C4orf54: variants seen among roughly 807,000 people sequenced by gnomAD.
C4orf54 encodes chromosome 4 open reading frame 54.
In C4orf54, 67 loss-of-function variants were observed where a neutral mutation model predicts 80.1. The ratio of observed to expected loss-of-function variants is 0.84; its 90% confidence interval spans 0.69 to 1.03. The LOEUF (loss-of-function observed/expected upper bound fraction) is 1.03. Ranked by LOEUF, C4orf54 falls within the 50% of genes least tolerant of loss-of-function variation. C4orf54 has a pLI of 0.00. For missense variants in C4orf54, 2,434 were observed against 2,253.5 expected (o/e 1.08, Z -1.62); for synonymous variants, 1,000 against 917.0 (o/e 1.09, Z -1.64).
Position 99,651,842 on chromosome 4 carries a change from A to C in C4orf54, c.2807T>G (p.Phe936Cys). ...GAACGCACTGTTCTGACTACGGAGG[A>C]AGATGCCCTTGACGGTCTCTGAGGC... ...KSASETVKGI[F>C]LRSQNSAFRS... is the part of the protein sequence containing the mutation. Residue 936 changes from phenylalanine to cysteine, a missense_variant, in exon 2 of 3, where the codon TTC (phenylalanine) becomes TGC (cysteine). Physicochemically the swap from Phe to Cys is radical, Grantham distance 205 (BLOSUM62 -2). Coordinates refer to ENST00000511828, the MANE Select transcript of C4orf54 (RefSeq NM_001354435.2). 6.5e-7 allele frequency: 1 copy of C among 1,535,962 alleles called. No individual in the cohort carries two copies. Among genetic ancestry groups the C allele is most frequent in the Non-Finnish European group, 8.7e-7 (1 of 1,146,882 alleles).
In C4orf54 at chr4:99,650,604, C is replaced by T. The variant is rs578237898; in HGVS notation, c.4045G>A (p.Ala1349Thr). ...GCTGCCCTGGCAGACACACTCTCAGCGCTGGGGTTGGAGTTTCTCCGCTGC... is the reference window on the plus strand; with the variant it reads ...GCTGCCCTGGCAGACACACTCTCAGTGCTGGGGTTGGAGTTTCTCCGCTGC... ...RLQRRNSNPS[A>T]ESVSARAAAF... is the part of the protein sequence containing the mutation. Residue 1349 changes from alanine to threonine, a missense_variant, in exon 2 of 3, where the codon GCT becomes ACT. Transcript: ENST00000511828. 7.7e-3 allele frequency: 11,903 copies of T among 1,536,048 alleles called. 120 individuals carry two copies. Among genetic ancestry groups the T allele is most frequent in the South Asian group, 0.02 (1,653 of 84,062 alleles).
At position 99,650,442 on chromosome 4, in the gene C4orf54, T is replaced by A. The variant is rs1460839619; in HGVS notation, c.4207A>T (p.Ser1403Cys). ...ACACCCCCAGTTTTCTGGATGCTGC[T>A]GGCACTCACTGTGAACACGTTCCGG... is the stretch of plus-strand genomic sequence containing the variant. Reference protein sequence around the residue: ...SNRNVFTVSASSIQKTGGVAG... With the variant: ...SNRNVFTVSACSIQKTGGVAG... Residue 1403 changes from serine to cysteine, a missense_variant, in exon 2 of 3, where the codon AGC (serine) becomes TGC (cysteine). Transcript: ENST00000511828. 4 of 1,535,962 alleles carry A rather than the reference T, an allele frequency of 2.6e-6. No individual in the cohort carries two copies. The East Asian group carries it at 9.8e-5, about 38-fold the overall frequency.
Position 99,654,496 on chromosome 4 carries a change from C to A in C4orf54, c.153G>T (p.Ser51=), listed in dbSNP as rs887728793. Residue 51 remains serine, a synonymous_variant, in exon 2 of 3, where the codon TCG becomes TCT. Transcript: ENST00000511828. The part of the protein sequence containing the change: ...QLSYRTLATV[S]AGAAAPQPQT... ...GTGGCTGGGGGGCTGCTGCTCCGGC[C>A]GAGACTGTGGCCAGTGTTCTGTAGC... The A allele has an allele frequency of 7.1e-6, 5 of 704,142 alleles. No individual in the cohort carries two copies. The Admixed American group carries it at 1.0e-4, about 14-fold the overall frequency. 43.6% of individuals were successfully genotyped at this position (704,142 alleles called of 1,614,324 possible).
At position 99,651,965 on chromosome 4, in the gene C4orf54, G is replaced by A; in HGVS notation, c.2684C>T (p.Ser895Phe). ...AGGAGTACTGGCTTTGAAGACTGGAGATTTGGAGCCCGCCACGGACCCCTC... is the reference window on the plus strand; with the variant it reads ...AGGAGTACTGGCTTTGAAGACTGGAAATTTGGAGCCCGCCACGGACCCCTC... ...GGEGSVAGSK[S>F]PVFKASTPRE... The change falls in exon 2 of 3, where the codon TCT (serine) becomes TTT (phenylalanine). Residue 895 changes from serine to phenylalanine, a missense_variant. Coordinates refer to ENST00000511828, the MANE Select transcript of C4orf54 (RefSeq NM_001354435.2). 6.5e-7 allele frequency: 1 copy of A among 1,536,148 alleles called. No homozygotes were observed. The highest frequency in any genetic ancestry group is 1.4e-5 in the African/African-American group (1 of 73,180).
In C4orf54 at chr4:99,653,895, G is replaced by GT; in HGVS notation, c.753dup (p.Leu252ThrfsTer3). On this transcript the variant is annotated frameshift_variant, in exon 2 of 3. Transcript: ENST00000511828. LOFTEE classifies it high-confidence loss of function. ...GAGGCAGAGTGCTGGGATCTAGAGA[G>GT]TTGGGAGGAGGCAGGATTGTTCTGG... 2 of 1,536,308 alleles carry GT rather than the reference G, an allele frequency of 1.3e-6. No individual in the cohort carries two copies. Among genetic ancestry groups the GT allele is most frequent in the Non-Finnish European group, 1.7e-6 (2 of 1,146,890 alleles).
intron 2 of C4orf54, among the ~76,000 whole-genome samples, chr4:99,648,939 G>A (rs1366899805): frequency 6.6e-6 from 1 of 152,100 alleles, no homozygotes; most frequent in Non-Finnish European, 1.5e-5. Context: ...CGGACAGACT[G>A]AAGGAACAGA....
chr4:99,650,293 G>T lies in C4orf54; in HGVS notation c.4356C>A (p.Thr1452=), dbSNP rs1489685479. 6.5e-7 allele frequency: 1 copy of T among 1,536,024 alleles called. No homozygotes were observed. The part of the protein sequence containing the change: ...PATRAPPDEV[T]NRKSGSNLEK... ...CCAAATTGCTGCCACTTTTCCTGTTGGTCACCTCATCAGGAGGTGCCCGGG... is the reference window on the plus strand; with the variant it reads ...CCAAATTGCTGCCACTTTTCCTGTTTGTCACCTCATCAGGAGGTGCCCGGG... Residue 1452 remains threonine, a synonymous_variant, in exon 2 of 3, where the codon ACC becomes ACA. Coordinates refer to ENST00000511828, the MANE Select transcript of C4orf54 (RefSeq NM_001354435.2).
chr4:99,654,274 G>A lies in C4orf54; in HGVS notation c.375C>T (p.Asp125=), dbSNP rs779373937. ...QPLRGQRRTQ[D]FPSDHHCLFL... ...AGAGACAATGGTGATCGCTGGGGAA[G>A]TCTTGGGTCCGTCTCTGGCCCCGGA... is the stretch of plus-strand genomic sequence containing the variant. Residue 125 remains aspartate, a synonymous_variant, in exon 2 of 3, where the codon GAC becomes GAT. Transcript: ENST00000511828. 7.7e-5 allele frequency: 118 copies of A among 1,535,806 alleles called. No homozygotes were observed. Among genetic ancestry groups the A allele is most frequent in the Non-Finnish European group, 1.0e-4 (117 of 1,146,712 alleles).
chr4:99,655,988 G>A (rs1277914565), intron 1 of C4orf54, among the ~76,000 whole-genome samples: 1 of 152,118 alleles, frequency 6.6e-6, no homozygotes, highest in Non-Finnish European at 1.5e-5. Flanking sequence ...CCTAACAACT[G>A]AAGCATCTAC....
chr4:99,649,821 G>C lies in C4orf54; in HGVS notation c.4828C>G (p.Arg1610Gly). The change falls in exon 2 of 3, where the codon CGT becomes GGT. Residue 1610 changes from arginine to glycine, a missense_variant. By Grantham distance (125) the Arg-to-Gly change is moderately radical. Transcript: ENST00000511828. ...FQQAQPQQTQ[R>G]KMLLDVTTGQ... ...GTTGTCACATCCAGGAGCATCTTACGCTGGGTCTGTTGAGGCTGTGCCTGC... is the reference window on the plus strand; with the variant it reads ...GTTGTCACATCCAGGAGCATCTTACCCTGGGTCTGTTGAGGCTGTGCCTGC... 6.5e-7 allele frequency: 1 copy of C among 1,536,088 alleles called. No homozygotes were observed. The highest frequency in any genetic ancestry group is 1.2e-5 in the South Asian group (1 of 84,054).
chr4:99,643,739 AAC>A (rs754039570), intron 2 of C4orf54, among the ~76,000 whole-genome samples: 6,179 of 98,768 alleles, frequency 0.063, 212 homozygotes, highest in African/African-American at 0.095. Context: ...CCCAAGCCAC[AAC>A]ACACACACAC....
chr4:99,650,740 C>G lies in C4orf54; in HGVS notation c.3909G>C (p.Val1303=), dbSNP rs1456627767. The change falls in exon 2 of 3, where the codon GTG becomes GTC. Residue 1303 remains valine (V), a synonymous_variant. Coordinates refer to ENST00000511828, the MANE Select transcript of C4orf54 (RefSeq NM_001354435.2). ...LIASEEREGV[V]VADGDHDKLS... ...GCTTGTCGTGGTCTCCATCAGCAAC[C>G]ACTACCCCTTCCCTCTCCTCACTGG... The G allele has an allele frequency of 6.5e-7, 1 of 1,536,164 alleles. No individual in the cohort carries two copies. Among genetic ancestry groups the G allele is most frequent in the Admixed American group, 2.0e-5 (1 of 51,000 alleles).
At position 99,653,448 on chromosome 4, in the gene C4orf54, A is replaced by G; in HGVS notation, c.1201T>C (p.Tyr401His). 1.3e-6 allele frequency: 2 copies of G among 1,536,178 alleles called. No homozygotes were observed. Among genetic ancestry groups the G allele is most frequent in the Non-Finnish European group, 1.7e-6 (2 of 1,146,916 alleles). The change falls in exon 2 of 3, where the codon TAC (tyrosine) becomes CAC (histidine). Residue 401 changes from tyrosine to histidine, a missense_variant. Coordinates refer to ENST00000511828, the MANE Select transcript of C4orf54 (RefSeq NM_001354435.2). The stretch of plus-strand genomic sequence containing the variant: ...AAGGAAGCATAATCCACGAACGAGT[A>G]GATCACGTTGTTGTCCTCGAAATCC... ...RWDFEDNNVI[Y>H]SFVDYASFGG... is the part of the protein sequence containing the mutation.
In C4orf54 at chr4:99,650,600, T is replaced by A; in HGVS notation, c.4049A>T (p.Glu1350Val). 6.5e-7 allele frequency: 1 copy of A among 1,535,970 alleles called. No individual in the cohort carries two copies. The highest frequency in any genetic ancestry group is 2.4e-5 in the East Asian group (1 of 40,888). Residue 1350 changes from glutamate (E) to valine (V), a missense_variant, in exon 2 of 3, where the codon GAG becomes GTG. Coordinates refer to ENST00000511828, the MANE Select transcript of C4orf54 (RefSeq NM_001354435.2). ...LQRRNSNPSA[E>V]SVSARAAAFE... is the part of the protein sequence containing the mutation. ...GGCCGCTGCCCTGGCAGACACACTC[T>A]CAGCGCTGGGGTTGGAGTTTCTCCG...
In C4orf54 at chr4:99,650,697, C is replaced by T. The variant is rs1726800985; in HGVS notation, c.3952G>A (p.Glu1318Lys). The change falls in exon 2 of 3, where the codon GAG becomes AAG. Residue 1318 changes from glutamate (E) to lysine (K), a missense_variant. Physicochemically the swap from Glu to Lys is moderately conservative, Grantham distance 56. Transcript: ENST00000511828. Reference protein sequence around the residue: ...DHDKLSKRLGEVEERGTGNKA... With the variant: ...DHDKLSKRLGKVEERGTGNKA... The stretch of plus-strand genomic sequence containing the variant: ...TTTCCTGTGCCCCGCTCTTCCACCT[C>T]ACCCAGCCGTTTGGACAGCTTGTCG... The T allele has an allele frequency of 6.5e-7, 1 of 1,536,052 alleles. No homozygotes were observed. Among genetic ancestry groups the T allele is most frequent in the East Asian group, 2.4e-5 (1 of 40,918 alleles).
In C4orf54 at chr4:99,649,424, G is replaced by T. The variant is rs760855914; in HGVS notation, c.5225C>A (p.Ala1742Asp). The part of the protein sequence containing the change: ...GQSPASSTSS[A>D]PAATSQLLGA... ...TAGGAGCTGGGATGTGGCTGCTGGG[G>T]CTGAGGAGGTTGAGGAGGCCGGAGA... is the stretch of plus-strand genomic sequence containing the variant. Residue 1742 changes from alanine to aspartate, a missense_variant, in exon 2 of 3, where the codon GCC (alanine) becomes GAC (aspartate). By Grantham distance (126) the Ala-to-Asp change is moderately radical. Transcript: ENST00000511828. 29 of 1,536,180 alleles carry T rather than the reference G, an allele frequency of 1.9e-5. No homozygotes were observed. Among genetic ancestry groups the T allele is most frequent in the Non-Finnish European group, 2.4e-5 (28 of 1,146,924 alleles).
chr4:99,636,737 G>T lies in C4orf54; in HGVS notation c.*4496C>A, dbSNP rs1224928465. 1 of 152,112 alleles carries T rather than the reference G, an allele frequency of 6.6e-6. No individual in the cohort carries two copies. The highest frequency in any genetic ancestry group is 1.5e-5 in the Non-Finnish European group (1 of 68,028). 9.4% of individuals were successfully genotyped at this position (152,112 alleles called of 1,614,324 possible). A position where few individuals can be genotyped will look rare whatever the true frequency, so the allele number is the denominator to read the frequency against. Reference sequence around the variant, plus strand: ...AAAATGTGATTCTCAGAGCTGTCGAGATTCAAAGTTTCCTTGGCTGGATTC... The same window carrying T: ...AAAATGTGATTCTCAGAGCTGTCGATATTCAAAGTTTCCTTGGCTGGATTC... On this transcript the variant is annotated 3_prime_UTR_variant, in exon 3 of 3. Transcript: ENST00000511828.
At chr4:99,645,642 A>C (rs1391297811) in intron 2 of C4orf54, among the ~76,000 whole-genome samples, 1 of 152,148 alleles carries the variant, frequency 6.6e-6, no homozygotes, top group Admixed American at 6.5e-5. Flanking sequence ...GAAGGGAAAA[A>C]CATAGCCATG....
chr4:99,645,410 T>TA (rs70958324), intron 2 of C4orf54, among the ~76,000 whole-genome samples: 7,108 of 55,830 alleles, frequency 0.13, 634 homozygotes, highest in East Asian at 0.43. Flanking sequence ...AGGCTTACAG[T>TA]AAAAAAAAAA....
Sources: allele counts gnomAD v4.1 joint callset (sites outside exome capture counted in the v4.1 genomes callset), GRCh38; gene constraint gnomAD v4.1.1; transcripts MANE v1.5; gene names NCBI Gene and HGNC (gene_info 2026-07-23, HGNC 2026-07-21).